The following CDC42BPA variants were observed in gnomAD, a reference collection of about 807,000 sequenced individuals.
The protein encoded by CDC42BPA is CDC42 binding protein kinase alpha.
In CDC42BPA, 80 loss-of-function variants were observed where a neutral mutation model predicts 223.5. The observed-to-expected ratio is 0.36, with a 90% CI of 0.30 to 0.43. The LOEUF (loss-of-function observed/expected upper bound fraction) is 0.43, where lower values mean the gene tolerates loss of function less well. Ranked by LOEUF, CDC42BPA falls within the 20% of genes least tolerant of loss-of-function variation. The pLI, the probability that CDC42BPA is intolerant of heterozygous loss-of-function variation, is 1.00. For missense variants in CDC42BPA, 1,743 were observed against 2,099.9 expected (o/e 0.83, Z 3.32); for synonymous variants, 694 against 718.6 (o/e 0.97, Z 0.55).
At chr1:227,306,932 T>C (rs1335990748) in intron 1 of CDC42BPA, among the ~76,000 whole-genome samples, 1 of 152,202 alleles carries the variant, frequency 6.6e-6, no homozygotes, top group African/African-American at 2.4e-5. Context: ...TAAACGATGA[T>C]ACTTAAGGAT....
At chr1:227,155,259 A>C (rs180994485) in intron 6 of CDC42BPA, among the ~76,000 whole-genome samples, 14 of 152,362 alleles carry the variant, frequency 9.2e-5, no homozygotes, top group Admixed American at 6.5e-4. Flanking sequence ...CAGATGTCTT[A>C]ACAGCAACAC....
chr1:227,000,132 A>G (rs1037103434), intron 35 of CDC42BPA, among the ~76,000 whole-genome samples: 2 of 49,694 alleles, frequency 4.0e-5, no homozygotes, highest in Non-Finnish European at 1.4e-4. Flanking sequence ...TAATAATAAT[A>G]ATAAGCTCTC....
intron 31 of CDC42BPA, among the ~76,000 whole-genome samples, chr1:227,025,043 G>A (rs1412373477): frequency 6.6e-6 from 1 of 152,144 alleles, no homozygotes; most frequent in African/African-American, 2.4e-5. Context: ...AGAAGTTCGA[G>A]GCCAGCCTGG....
Position 227,218,114 on chromosome 1 carries a change from T to C in CDC42BPA, c.271-4895A>G, listed in dbSNP as rs1487449207. 5.3e-5 allele frequency among the ~76,000 whole-genome samples: 8 copies of C among 152,306 alleles called. No homozygotes were observed. The East Asian group carries it at 5.8e-4, about 11-fold the overall frequency. On this transcript the variant is annotated intron_variant, in intron 2 of 36. Transcript: ENST00000366766. ...ATGACTGGTAATCTATGTGGGTGTA[T>C]ATACATGCAAAGTTTACAGCATCAA... is the stretch of plus-strand genomic sequence containing the variant.
intron 5 of CDC42BPA, among the ~76,000 whole-genome samples, chr1:227,181,457 T>C (rs1243579971): frequency 6.6e-6 from 1 of 152,228 alleles, no homozygotes; most frequent in Admixed American, 6.5e-5. Flanking sequence ...CTTTAAGCTA[T>C]TTCAATTTTT....
intron 1 of CDC42BPA, among the ~76,000 whole-genome samples, chr1:227,311,000 T>C (rs889411691): frequency 6.6e-6 from 1 of 152,024 alleles, no homozygotes; most frequent in African/African-American, 2.4e-5. Flanking sequence ...CAAGGAGTTT[T>C]TATATACAAC....
chr1:227,098,757 A>G (rs1464566182), intron 15 of CDC42BPA, among the ~76,000 whole-genome samples: 1 of 151,426 alleles, frequency 6.6e-6, no homozygotes, highest in Non-Finnish European at 1.5e-5. Context: ...GATTACTTCA[A>G]TCGTCTTCTA....
At chr1:227,267,254 G>A (rs1000304318) in intron 1 of CDC42BPA, among the ~76,000 whole-genome samples, 3 of 152,118 alleles carry the variant, frequency 2.0e-5, no homozygotes, top group African/African-American at 7.2e-5. Flanking sequence ...ATCCAATTTA[G>A]TTCTAATCTG....
chr1:227,034,077 T>C (rs1195669953), intron 26 of CDC42BPA, among the ~76,000 whole-genome samples: 1 of 152,148 alleles, frequency 6.6e-6, no homozygotes, highest in Non-Finnish European at 1.5e-5. Flanking sequence ...TTTTGAGCAA[T>C]GGATGGATAT....
At chr1:226,996,632 G>A (rs751313006) in intron 35 of CDC42BPA, among the ~76,000 whole-genome samples, 7 of 152,182 alleles carry the variant, frequency 4.6e-5, no homozygotes, top group Admixed American at 1.3e-4. Flanking sequence ...TTTGAGATAC[G>A]TTCCATCAAT....
chr1:227,286,606 C>T (rs1558958247), intron 1 of CDC42BPA, among the ~76,000 whole-genome samples: 1 of 152,212 alleles, frequency 6.6e-6, no homozygotes, highest in South Asian at 2.1e-4. Flanking sequence ...TCCAAAGCCA[C>T]TTCCACATTT....
At chr1:227,182,399 G>A (rs1184021104) in intron 5 of CDC42BPA, among the ~76,000 whole-genome samples, 2 of 152,156 alleles carry the variant, frequency 1.3e-5, no homozygotes, top group African/African-American at 4.8e-5. Context: ...GAAATATAAG[G>A]TACAGAATTT....
chr1:227,262,395 A>C (rs1406949592), intron 1 of CDC42BPA, among the ~76,000 whole-genome samples: 3 of 152,190 alleles, frequency 2.0e-5, no homozygotes, highest in Admixed American at 2.0e-4. Flanking sequence ...CTGAAGCAAT[A>C]ATTGAAAAAC....
intron 2 of CDC42BPA, among the ~76,000 whole-genome samples, chr1:227,215,174 C>A (rs1036797786): frequency 6.6e-6 from 1 of 152,052 alleles, no homozygotes; most frequent in African/African-American, 2.4e-5. Flanking sequence ...AATATTGGAA[C>A]CAAAACCACC....
chr1:227,003,785 G>C (rs1663406638), intron 35 of CDC42BPA, among the ~76,000 whole-genome samples: 1 of 151,788 alleles, frequency 6.6e-6, no homozygotes, highest in African/African-American at 2.4e-5. Flanking sequence ...GTTTTAAAGT[G>C]TAAAAAAAGA....
At chr1:227,300,713 T>C (rs142582047) in intron 1 of CDC42BPA, among the ~76,000 whole-genome samples, 6 of 152,230 alleles carry the variant, frequency 3.9e-5, no homozygotes, top group African/African-American at 7.2e-5. Flanking sequence ...AAACTATATA[T>C]TGGGTAAAAT....
intron 24 of CDC42BPA, among the ~76,000 whole-genome samples, chr1:227,039,397 G>A (rs964476256): frequency 1.3e-5 from 2 of 152,004 alleles, no homozygotes; most frequent in Non-Finnish European, 2.9e-5. Flanking sequence ...CCTCATATAA[G>A]GTAGTGTTGT....
intron 1 of CDC42BPA, among the ~76,000 whole-genome samples, chr1:227,308,031 CAT>C (rs1692861965): frequency 6.6e-6 from 1 of 151,962 alleles, no homozygotes; most frequent in Non-Finnish European, 1.5e-5. Context: ...GATTTTTTTG[CAT>C]AGTCACACAG....
chr1:227,289,888 C>CAAAAAAAA (rs10629910), intron 1 of CDC42BPA, among the ~76,000 whole-genome samples: 1 of 121,082 alleles, frequency 8.3e-6, no homozygotes, highest in Non-Finnish European at 1.7e-5. Context: ...CCTGTCTCTA[C>CAAAAAAAA]AAAAAAAAAA....
Sources: allele counts gnomAD v4.1 joint callset (sites outside exome capture counted in the v4.1 genomes callset), GRCh38; gene constraint gnomAD v4.1.1; transcripts MANE v1.5; gene names NCBI Gene and HGNC (gene_info 2026-07-23, HGNC 2026-07-21).